CEP112: variants seen among roughly 807,000 people sequenced by gnomAD.
CEP112 encodes the protein centrosomal protein 112.
CEP112 carries 127 observed loss-of-function variants against 153.0 expected under a neutral mutation model. That is an observed-to-expected ratio of 0.83 (90% CI 0.72 to 0.96). The LOEUF is 0.96. Ranked by LOEUF, CEP112 falls within the 40% of genes least tolerant of loss-of-function variation. CEP112 has a pLI of 0.00. For missense variants in CEP112, 1,089 were observed against 1,101.2 expected, an observed-to-expected ratio of 0.99 and a Z score of 0.16; for synonymous variants, 358 against 374.4, an observed-to-expected ratio of 0.96 and a Z score of 0.51.
At chr17:65,844,269 T>C (rs986513367) in intron 21 of CEP112, among the ~76,000 whole-genome samples, 2 of 152,258 alleles carry the variant, frequency 1.3e-5, no homozygotes, top group African/African-American at 4.8e-5. Context: ...GTATAAACTT[T>C]CTGAAATGCA....
At chr17:65,647,819 G>A (rs1043708207) in intron 24 of CEP112, among the ~76,000 whole-genome samples, 5 of 151,920 alleles carry the variant, frequency 3.3e-5, no homozygotes, top group African/African-American at 1.2e-4. Context: ...TCTGACCCAG[G>A]CTGTGTTTAA....
chr17:66,029,317 T>TTAATCA (rs60700240), intron 13 of CEP112, 65 bp from the exon 14 acceptor site: 573,233 of 1,331,676 alleles, frequency 0.43, 137,528 homozygotes, highest in East Asian at 0.87. Flanking sequence ...ATGAAATTTT[T>TTAATCA]TAATCAGCTA....
intron 18 of CEP112, among the ~76,000 whole-genome samples, chr17:65,956,262 G>A (rs2061997195): frequency 6.6e-6 from 1 of 152,098 alleles, no homozygotes; most frequent in South Asian, 2.1e-4. Flanking sequence ...TGTCTACCCA[G>A]AGGAAAAGAA....
chr17:65,844,755 C>T (rs2057661187), intron 21 of CEP112, among the ~76,000 whole-genome samples: 2 of 151,592 alleles, frequency 1.3e-5, no homozygotes, highest in African/African-American at 4.8e-5. Context: ...GTGGCTCACG[C>T]CTGTAATCAC....
At chr17:65,869,697 A>C (rs1445429326) in intron 20 of CEP112, among the ~76,000 whole-genome samples, 1 of 149,868 alleles carries the variant, frequency 6.7e-6, no homozygotes, top group Non-Finnish European at 1.5e-5. Context: ...CTCCTGCCTC[A>C]GCCTCCCAAG....
intron 20 of CEP112, among the ~76,000 whole-genome samples, chr17:65,863,761 GA>G (rs1164404596): frequency 1.2e-4 from 12 of 102,708 alleles, no homozygotes; most frequent in African/African-American, 2.5e-4. Flanking sequence ...AAAAAAAAAA[GA>G]AAAAAAAAAG....
intron 20 of CEP112, among the ~76,000 whole-genome samples, chr17:65,878,209 A>T (rs2058911452): frequency 6.6e-6 from 1 of 152,048 alleles, no homozygotes; most frequent in Admixed American, 6.6e-5. Context: ...GAAGGAAGGA[A>T]GGAAGGGAGG....
intron 24 of CEP112, among the ~76,000 whole-genome samples, chr17:65,679,384 T>C (rs945312491): frequency 1.3e-5 from 2 of 152,068 alleles, no homozygotes; most frequent in African/African-American, 4.8e-5. Flanking sequence ...ACCAGAATAA[T>C]AACCATTAAA....
At position 65,807,501 on chromosome 17, in the gene CEP112, TA is replaced by T. The variant is rs1194947319; in HGVS notation, c.2394+44302del. 3.3e-5 allele frequency among the ~76,000 whole-genome samples: 5 copies of T among 152,296 alleles called. No homozygotes were observed. The South Asian group carries it at 1.0e-3, about 32-fold the overall frequency. ...ATGGGGAAATGTCTCCAGGGCATGT[TA>T]AAGACCTTTGTGGCAGCCCCTCCCA... On this transcript the variant is annotated intron_variant, in intron 21 of 26. Coordinates refer to ENST00000535342, the MANE Select transcript of CEP112 (RefSeq NM_001199165.4).
chr17:66,101,924 T>C (rs756671418), intron 6 of CEP112, among the ~76,000 whole-genome samples: 2 of 152,264 alleles, frequency 1.3e-5, no homozygotes, highest in Non-Finnish European at 2.9e-5. Flanking sequence ...AGCTATTAGA[T>C]AGAAGCTATA....
At chr17:65,968,732 A>G (rs532970488) in intron 17 of CEP112, among the ~76,000 whole-genome samples, 1 of 152,340 alleles carries the variant, frequency 6.6e-6, no homozygotes, top group African/African-American at 2.4e-5. Context: ...AGAATAGTTA[A>G]GTGATTTGCT....
intron 8 of CEP112, among the ~76,000 whole-genome samples, chr17:66,081,780 T>C (rs2067730052): frequency 6.6e-6 from 1 of 152,082 alleles, no homozygotes; most frequent in Non-Finnish European, 1.5e-5. Flanking sequence ...CCGGACATGG[T>C]GGCACGCATC....
chr17:65,982,297 G>T (rs929084654), intron 17 of CEP112, among the ~76,000 whole-genome samples: 17 of 152,272 alleles, frequency 1.1e-4, no homozygotes, highest in Admixed American at 1.1e-3. Context: ...TTTTGGTACT[G>T]ATTAGCAGAG....
intron 23 of CEP112, among the ~76,000 whole-genome samples, chr17:65,728,535 A>G (rs893024824): frequency 6.6e-5 from 10 of 152,194 alleles, no homozygotes; most frequent in African/African-American, 2.2e-4. Flanking sequence ...CATCAAGGAC[A>G]TGGGAGAAAG....
intron 5 of CEP112, among the ~76,000 whole-genome samples, 197 bp downstream of exon 5, chr17:66,132,473 T>C (rs2070231255): frequency 6.6e-6 from 1 of 152,046 alleles, no homozygotes; most frequent in African/African-American, 2.4e-5. Flanking sequence ...CACCTCAGAA[T>C]CATTGAGGAA....
At chr17:66,110,581 T>C (rs570194947) in intron 6 of CEP112, among the ~76,000 whole-genome samples, 23 of 151,916 alleles carry the variant, frequency 1.5e-4, no homozygotes, top group Middle Eastern at 3.4e-3. Flanking sequence ...GGATTCGATC[T>C]TATATTAAAA....
chr17:65,798,170 G>A (rs1046274770), intron 21 of CEP112, among the ~76,000 whole-genome samples: 2 of 151,998 alleles, frequency 1.3e-5, no homozygotes, highest in African/African-American at 4.8e-5. Context: ...ACTCCTTAGA[G>A]CTTTAGGAAT....
chr17:65,835,714 A>T (rs1364653756), intron 21 of CEP112, among the ~76,000 whole-genome samples: 1 of 152,214 alleles, frequency 6.6e-6, no homozygotes, highest in Non-Finnish European at 1.5e-5. Context: ...CAAAATGCTA[A>T]AGGGAGTTTT....
chr17:65,708,147 G>A (rs57863709), intron 23 of CEP112, among the ~76,000 whole-genome samples: 13 of 151,364 alleles, frequency 8.6e-5, no homozygotes, highest in African/African-American at 2.7e-4. Flanking sequence ...ACAACCCCCC[G>A]CACTTTTTTT....
Sources: allele counts gnomAD v4.1 joint callset (sites outside exome capture counted in the v4.1 genomes callset), GRCh38; gene constraint gnomAD v4.1.1; transcripts MANE v1.5; gene names NCBI Gene and HGNC (gene_info 2026-07-23, HGNC 2026-07-21).